The following KCNH7 variants were observed in gnomAD, a reference collection of about 807,000 sequenced individuals.
The protein encoded by KCNH7 is potassium voltage-gated channel subfamily H member 7, also known as voltage-gated inwardly rectifying potassium channel KCNH7.
KCNH7 carries 49 observed loss-of-function variants against 120.8 expected under a neutral mutation model. The observed-to-expected ratio is 0.41, with a 90% CI of 0.32 to 0.51. The LOEUF (loss-of-function observed/expected upper bound fraction) is 0.51, where lower values mean the gene tolerates loss of function less well. KCNH7 is among the 20% of genes least tolerant of loss of function. The pLI is 0.38. For missense variants in KCNH7, 1,097 were observed against 1,446.6 expected (o/e 0.76, Z 3.92); for synonymous variants, 547 against 516.1 (o/e 1.06, Z -0.81).
intron 2 of KCNH7, among the ~76,000 whole-genome samples, chr2:162,833,643 G>A (rs1027762927): frequency 3.9e-5 from 6 of 152,216 alleles, no homozygotes; most frequent in African/African-American, 1.4e-4. Context: ...CTGATAAACA[G>A]CAAGTTTAAT....
At chr2:162,817,359 T>C (rs1684951989) in intron 2 of KCNH7, among the ~76,000 whole-genome samples, 1 of 152,164 alleles carries the variant, frequency 6.6e-6, no homozygotes, top group South Asian at 2.1e-4. Context: ...GCTCAACATG[T>C]TTTTGGAAAT....
At chr2:162,444,255 A>G (rs1688513633) in intron 7 of KCNH7, among the ~76,000 whole-genome samples, 1 of 152,158 alleles carries the variant, frequency 6.6e-6, no homozygotes, top group African/African-American at 2.4e-5. Context: ...ACTTTGTCTG[A>G]TTTACTTCTG....
intron 2 of KCNH7, among the ~76,000 whole-genome samples, chr2:162,764,306 T>C (rs1362242001): frequency 6.6e-6 from 1 of 152,100 alleles, no homozygotes; most frequent in Non-Finnish European, 1.5e-5. Flanking sequence ...AGCATGATCA[T>C]AAAAATTCAA....
At chr2:162,801,798 C>A (rs979359383) in intron 2 of KCNH7, among the ~76,000 whole-genome samples, 1 of 151,668 alleles carries the variant, frequency 6.6e-6, no homozygotes, top group Non-Finnish European at 1.5e-5. Flanking sequence ...TAGAGTCCTG[C>A]CTGAATACTA....
At chr2:162,588,832 T>C (rs1574139632) in intron 2 of KCNH7, among the ~76,000 whole-genome samples, 1 of 152,130 alleles carries the variant, frequency 6.6e-6, no homozygotes, top group Non-Finnish European at 1.5e-5. Flanking sequence ...GTGTTCCTCC[T>C]ATCTAGCTGT....
At chr2:162,740,881 G>A (rs1019030860) in intron 2 of KCNH7, among the ~76,000 whole-genome samples, 1 of 152,174 alleles carries the variant, frequency 6.6e-6, no homozygotes, top group Admixed American at 6.5e-5. Flanking sequence ...CTTATGGTCA[G>A]TGTGTACCTC....
At chr2:162,569,423 T>C (rs2105895333) in intron 2 of KCNH7, among the ~76,000 whole-genome samples, 1 of 149,118 alleles carries the variant, frequency 6.7e-6, no homozygotes, top group East Asian at 2.0e-4. Flanking sequence ...TCTCTCTTTT[T>C]TTCTTTATTA....
Position 162,394,605 on chromosome 2 carries a change from T to C in KCNH7, c.2614-120A>G, listed in dbSNP as rs969055660. On this transcript the variant is annotated intron_variant, in intron 11 of 15. Transcript: ENST00000332142. The stretch of plus-strand genomic sequence containing the variant: ...ACCATCTTGAGACTTAATTATTAGA[T>C]TGCAGGCAAACAGCTAAAATACCTT... 8.0e-6 allele frequency: 5 copies of C among 628,536 alleles called. No homozygotes were observed. In the African/African-American group the frequency reaches 9.3e-5, roughly 12 times the overall value. The allele number at this position is 628,536 out of a possible 1,614,324, so 38.9% of individuals were successfully genotyped here.
chr2:162,757,735 T>C (rs1181126640), intron 2 of KCNH7, among the ~76,000 whole-genome samples: 1 of 152,182 alleles, frequency 6.6e-6, no homozygotes, highest in Non-Finnish European at 1.5e-5. Context: ...ACCTTGGATT[T>C]CTCACAAGAC....
At chr2:162,449,277 C>T (rs1688686307) in intron 6 of KCNH7, among the ~76,000 whole-genome samples, 1 of 151,734 alleles carries the variant, frequency 6.6e-6, no homozygotes, top group Non-Finnish European at 1.5e-5. Context: ...TATACAGGCT[C>T]TTTTTTTAAA....
chr2:162,507,196 A>T (rs745739475), intron 5 of KCNH7, among the ~76,000 whole-genome samples: 8 of 151,694 alleles, frequency 5.3e-5, no homozygotes, highest in Non-Finnish European at 1.0e-4. Context: ...TAGCCAATAG[A>T]ATATTTCAGA....
chr2:162,788,988 T>A (rs1683817212), intron 2 of KCNH7, among the ~76,000 whole-genome samples: 1 of 105,164 alleles, frequency 9.5e-6, no homozygotes, highest in Non-Finnish European at 1.9e-5. Context: ...AGGTACTGGT[T>A]AAAAAAAAAA....
At chr2:162,504,266 A>G (rs1031663752) in intron 6 of KCNH7, among the ~76,000 whole-genome samples, 177 bp downstream of exon 6, 1 of 152,056 alleles carries the variant, frequency 6.6e-6, no homozygotes, top group Non-Finnish European at 1.5e-5. Context: ...AAATCATAGT[A>G]TACAGCTTTA....
chr2:162,764,974 C>G (rs1277607735), intron 2 of KCNH7, among the ~76,000 whole-genome samples: 1 of 151,950 alleles, frequency 6.6e-6, no homozygotes, highest in Admixed American at 6.6e-5. Context: ...AACATCAGAG[C>G]TATAAAACCA....
intron 2 of KCNH7, among the ~76,000 whole-genome samples, chr2:162,660,048 A>G (rs931799400): frequency 6.6e-6 from 1 of 152,024 alleles, no homozygotes; most frequent in Non-Finnish European, 1.5e-5. Context: ...AGGGTTATCA[A>G]TTGTATTGCT....
chr2:162,445,762 T>G (rs1180957702), intron 7 of KCNH7, among the ~76,000 whole-genome samples: 1 of 152,196 alleles, frequency 6.6e-6, no homozygotes. Context: ...TGCTGTGTGC[T>G]ATGGACCACT....
intron 12 of KCNH7, among the ~76,000 whole-genome samples, chr2:162,389,728 T>C (rs975913413): frequency 1.3e-5 from 2 of 152,084 alleles, no homozygotes; most frequent in Non-Finnish European, 2.9e-5. Flanking sequence ...GTAAAAAGTT[T>C]CCTCTTCCAG....
At chr2:162,713,745 T>C (rs1385641837) in intron 2 of KCNH7, among the ~76,000 whole-genome samples, 1 of 152,160 alleles carries the variant, frequency 6.6e-6, no homozygotes, top group Admixed American at 6.5e-5. Context: ...TTTTCTTTTT[T>C]GTTTGTTTGT....
At chr2:162,560,200 C>T (rs567798021) in intron 2 of KCNH7, among the ~76,000 whole-genome samples, 8 of 152,220 alleles carry the variant, frequency 5.3e-5, no homozygotes, top group African/African-American at 7.2e-5. Flanking sequence ...ATTTATTAAC[C>T]GAGGAAACAA....
Sources: allele counts gnomAD v4.1 joint callset (sites outside exome capture counted in the v4.1 genomes callset), GRCh38; gene constraint gnomAD v4.1.1; transcripts MANE v1.5; gene names NCBI Gene and HGNC (gene_info 2026-07-23, HGNC 2026-07-21).